HAPLN1: variants seen among roughly 807,000 people sequenced by gnomAD.
HAPLN1 encodes the protein Cartilage link protein.
Under a neutral mutation model 36.5 loss-of-function variants are expected in HAPLN1, and 13 were observed. The observed-to-expected ratio is 0.36, with a 90% CI of 0.23 to 0.57. The LOEUF (loss-of-function observed/expected upper bound fraction) is 0.57. Among genes scored for constraint, HAPLN1 ranks in the 20% least tolerant of loss-of-function variants. The pLI is 0.83. For missense variants in HAPLN1, 407 were observed against 439.7 expected, an observed-to-expected ratio of 0.93 and a Z score of 0.66; for synonymous variants, 202 against 169.8, an observed-to-expected ratio of 1.19 and a Z score of -1.48.
chr5:83,652,014 C>T (rs1387054585), intron 3 of HAPLN1: 1 of 162,786 alleles, frequency 6.1e-6, no homozygotes, highest in Non-Finnish European at 1.3e-5. Context: ...TAAGGTTTTG[C>T]AGTCATTTTA....
intron 1 of HAPLN1, among the ~76,000 whole-genome samples, chr5:83,683,126 A>T (rs1751045152): frequency 6.6e-6 from 1 of 152,198 alleles, no homozygotes; most frequent in East Asian, 1.9e-4. Flanking sequence ...AAAATACATA[A>T]CAATATGGGC....
At chr5:83,702,489 C>T (rs1751531050) in intron 1 of HAPLN1, among the ~76,000 whole-genome samples, 1 of 152,146 alleles carries the variant, frequency 6.6e-6, no homozygotes, top group East Asian at 1.9e-4. Context: ...TTTATCTCAG[C>T]ACAGCATCTT....
At chr5:83,669,856 C>T (rs1005988479) in intron 2 of HAPLN1, among the ~76,000 whole-genome samples, 1 of 152,086 alleles carries the variant, frequency 6.6e-6, no homozygotes, top group African/African-American at 2.4e-5. Context: ...GGCATTAGGT[C>T]TGATTTTACA....
At chr5:83,718,827 T>C (rs1233200203) in intron 1 of HAPLN1, among the ~76,000 whole-genome samples, 1 of 152,076 alleles carries the variant, frequency 6.6e-6, no homozygotes, top group Non-Finnish European at 1.5e-5. Context: ...CAAAAAGAAA[T>C]GAAAAAGAAA....
At chr5:83,694,901 T>A (rs1751356317) in intron 1 of HAPLN1, among the ~76,000 whole-genome samples, 1 of 152,096 alleles carries the variant, frequency 6.6e-6, no homozygotes, top group African/African-American at 2.4e-5. Context: ...AGAGAATATT[T>A]CCCAATTTAT....
In HAPLN1 at chr5:83,712,626, G is replaced by C. The variant is rs555137283; in HGVS notation, c.-27+8163C>G. Reference sequence around the variant, plus strand: ...CTTTTTTCATTGGCCTGTAGAAGGAGAGTGTTCAGAAATTTCATGAAAAAA... The same window carrying C: ...CTTTTTTCATTGGCCTGTAGAAGGACAGTGTTCAGAAATTTCATGAAAAAA... On this transcript the variant is annotated intron_variant, in intron 1 of 4. Coordinates refer to ENST00000274341, the MANE Select transcript of HAPLN1 (RefSeq NM_001884.4). Among the ~76,000 whole-genome samples, 13 of 152,064 alleles carry C rather than the reference G, an allele frequency of 8.5e-5. No homozygotes were observed. In the South Asian group the frequency reaches 2.3e-3, roughly 27 times the overall value.
chr5:83,707,450 C>G (rs1293386202), intron 1 of HAPLN1, among the ~76,000 whole-genome samples: 1 of 152,180 alleles, frequency 6.6e-6, no homozygotes, highest in Non-Finnish European at 1.5e-5. Context: ...ACCGTCTGAT[C>G]TTTGACAAAA....
chr5:83,702,534 T>G (rs1751532107), intron 1 of HAPLN1, among the ~76,000 whole-genome samples: 1 of 152,138 alleles, frequency 6.6e-6, no homozygotes, highest in Admixed American at 6.5e-5. Flanking sequence ...CCCTCTAGGC[T>G]TGAAGGGTTT....
chr5:83,667,716 C>A (rs887365170), intron 2 of HAPLN1, among the ~76,000 whole-genome samples: 3 of 152,172 alleles, frequency 2.0e-5, no homozygotes, highest in Admixed American at 2.0e-4. Flanking sequence ...GGTTTGTGAT[C>A]ATACATTATT....
At chr5:83,694,483 A>G (rs915745316) in intron 1 of HAPLN1, among the ~76,000 whole-genome samples, 3 of 152,018 alleles carry the variant, frequency 2.0e-5, no homozygotes, top group African/African-American at 7.2e-5. Context: ...GAAAAGATCA[A>G]TATAATTCAT....
At position 83,700,900 on chromosome 5, in the gene HAPLN1, C is replaced by T. The variant is rs149291515; in HGVS notation, c.-27+19889G>A. Among the ~76,000 whole-genome samples, 204 of 152,286 alleles carry T rather than the reference C, an allele frequency of 1.3e-3. 1 individual carries two copies. In the East Asian group the frequency reaches 0.025, roughly 19 times the overall value. The stretch of plus-strand genomic sequence containing the variant: ...ATTTTCAAAATAAAGTTTTTCAACT[C>T]TGCATTAACATTTATTTTCCTTATC... On this transcript the variant is annotated intron_variant, in intron 1 of 4. Coordinates refer to ENST00000274341, the MANE Select transcript of HAPLN1 (RefSeq NM_001884.4).
intron 2 of HAPLN1, among the ~76,000 whole-genome samples, chr5:83,668,390 C>A (rs539710197): frequency 1.4e-4 from 21 of 152,156 alleles, no homozygotes; most frequent in Non-Finnish European, 2.2e-4. Context: ...GATAAACGGA[C>A]TTTTATCAGC....
chr5:83,652,637 A>G lies in HAPLN1; in HGVS notation c.288T>C (p.Val96=). ...SDYLKEVDVF[V]SMGYHKKTYG... is the part of the protein sequence containing the mutation. ...AGGTTTTTTTGTGGTATCCCATGGA[A>G]ACAAAAACATCCACTTCCTTGAGGT... The change falls in exon 3 of 5, where the codon GTT becomes GTC. Residue 96 remains valine (V), a synonymous_variant. Transcript: ENST00000274341. 6.2e-7 allele frequency: 1 copy of G among 1,614,122 alleles called. No homozygotes were observed. The highest frequency in any genetic ancestry group is 8.5e-7 in the Non-Finnish European group (1 of 1,180,006).
chr5:83,662,389 CTTAGAGTTGTCTGCTCTGGTTAATAAT>C (rs1750430131), intron 2 of HAPLN1, among the ~76,000 whole-genome samples: 1 of 152,142 alleles, frequency 6.6e-6, no homozygotes, highest in Non-Finnish European at 1.5e-5. Context: ...TCTTTGTCAA[CTTAGAGTTGTCTGCTCTGGTTAATAAT>C]TTTCAGAATT....
intron 1 of HAPLN1, among the ~76,000 whole-genome samples, chr5:83,700,244 T>C (rs968192241): frequency 6.6e-6 from 1 of 150,574 alleles, no homozygotes; most frequent in Non-Finnish European, 1.5e-5. Context: ...CAACAAAAAT[T>C]ACATGTATCT....
intron 2 of HAPLN1, among the ~76,000 whole-genome samples, chr5:83,654,081 A>G (rs964636720): frequency 2.6e-5 from 4 of 152,276 alleles, no homozygotes; most frequent in African/African-American, 9.6e-5. Flanking sequence ...TGAGACACAC[A>G]GTTATTGAAT....
At chr5:83,662,751 C>T (rs888304504) in intron 2 of HAPLN1, among the ~76,000 whole-genome samples, 8 of 152,196 alleles carry the variant, frequency 5.3e-5, no homozygotes. Flanking sequence ...GTGGTAAAGG[C>T]ATAGAGCTCA....
rs1749686887 is a variant in HAPLN1, at chr5:83,641,356, T to A, written c.*140A>T. 3 of 607,594 alleles carry A rather than the reference T, an allele frequency of 4.9e-6. No individual in the cohort carries two copies. Among genetic ancestry groups the A allele is most frequent in the Non-Finnish European group, 5.5e-6 (2 of 365,100 alleles). 37.6% of individuals were successfully genotyped at this position (607,594 alleles called of 1,614,324 possible). A position where few individuals can be genotyped will look rare whatever the true frequency, so the allele number is the denominator to read the frequency against. On this transcript the variant is annotated 3_prime_UTR_variant, in exon 5 of 5. Transcript: ENST00000274341. ...TACAAAAAACAAATCAATGAATTGA[T>A]CTTTATGAAAATGACTCTTTACAGT... is the stretch of plus-strand genomic sequence containing the variant.
chr5:83,700,567 G>T (rs1265941302), intron 1 of HAPLN1, among the ~76,000 whole-genome samples: 1 of 151,522 alleles, frequency 6.6e-6, no homozygotes, highest in Non-Finnish European at 1.5e-5. Flanking sequence ...TATAAATTAA[G>T]GTCACATTTT....
Sources: allele counts gnomAD v4.1 joint callset (sites outside exome capture counted in the v4.1 genomes callset), GRCh38; gene constraint gnomAD v4.1.1; transcripts MANE v1.5; gene names NCBI Gene and HGNC (gene_info 2026-07-23, HGNC 2026-07-21).